Variants in KCTD8 observed in about 807,000 individuals in gnomAD.
KCTD8 encodes the protein potassium channel tetramerization domain containing 8, also known as BTB/POZ domain-containing protein KCTD8.
KCTD8 carries 27 observed loss-of-function variants against 31.5 expected under a neutral mutation model. The observed-to-expected ratio is 0.86, with a 90% CI of 0.63 to 1.18. The LOEUF (loss-of-function observed/expected upper bound fraction) is 1.18. KCTD8 is among the 50% of genes most tolerant of loss of function. The pLI is 0.00. For missense variants in KCTD8, 658 were observed against 647.7 expected, an observed-to-expected ratio of 1.02 and a Z score of -0.17; for synonymous variants, 290 against 280.0, an observed-to-expected ratio of 1.04 and a Z score of -0.36.
At chr4:44,416,271 T>C (rs1412804615) in intron 1 of KCTD8, among the ~76,000 whole-genome samples, 3 of 152,192 alleles carry the variant, frequency 2.0e-5, no homozygotes, top group Non-Finnish European at 4.4e-5. Context: ...TGGAAGTAAA[T>C]AACTTGTTTT....
chr4:44,255,908 T>C (rs908740782), intron 1 of KCTD8, among the ~76,000 whole-genome samples: 1 of 151,980 alleles, frequency 6.6e-6, no homozygotes, highest in Non-Finnish European at 1.5e-5. Context: ...TATTTGACTA[T>C]TGTATTAGTC....
Position 44,448,599 on chromosome 4 carries a change from G to T in KCTD8, c.-76C>A, listed in dbSNP as rs923878225. On this transcript the variant is annotated 5_prime_UTR_variant, in exon 1 of 2. Transcript: ENST00000360029. The surrounding 1 kb of genome is among the most constrained non-coding windows in gnomAD (Gnocchi z 4.1). ...CCCGGAGCCCGCGCCCCAGCCCTCC[G>T]CGTGCTCCTGGCGCTCTGCGCCCTC... The T allele has an allele frequency of 9.6e-6, 13 of 1,347,458 alleles. No homozygotes were observed. The highest frequency in any genetic ancestry group is 1.2e-5 in the Non-Finnish European group (13 of 1,051,228). The allele number at this position is 1,347,458 out of a possible 1,614,324, so 83.5% of individuals were successfully genotyped here.
chr4:44,385,742 G>C (rs1208271226), intron 1 of KCTD8, among the ~76,000 whole-genome samples: 1 of 151,482 alleles, frequency 6.6e-6, no homozygotes, highest in Non-Finnish European at 1.5e-5. Flanking sequence ...TGTATCACAT[G>C]ATAAAATAAA....
At chr4:44,240,513 T>C (rs974774344) in intron 1 of KCTD8, among the ~76,000 whole-genome samples, 1 of 152,158 alleles carries the variant, frequency 6.6e-6, no homozygotes, top group Non-Finnish European at 1.5e-5. Context: ...TGTTTATTTA[T>C]TTATTAGGGA....
At chr4:44,276,930 C>A (rs1349857410) in intron 1 of KCTD8, among the ~76,000 whole-genome samples, 1 of 151,856 alleles carries the variant, frequency 6.6e-6, no homozygotes, top group Non-Finnish European at 1.5e-5. Context: ...CTATGTACAC[C>A]ACTAAGAGAA....
At chr4:44,274,013 G>C (rs1254894404) in intron 1 of KCTD8, among the ~76,000 whole-genome samples, 1 of 151,802 alleles carries the variant, frequency 6.6e-6, no homozygotes, top group East Asian at 1.9e-4. Context: ...AAAAAGTCCT[G>C]TTAAGTTTAC....
At chr4:44,443,799 T>C (rs1721869334) in intron 1 of KCTD8, among the ~76,000 whole-genome samples, 1 of 152,164 alleles carries the variant, frequency 6.6e-6, no homozygotes, top group Non-Finnish European at 1.5e-5. Context: ...TTTTATCTAA[T>C]GATAATCAAC....
intron 1 of KCTD8, among the ~76,000 whole-genome samples, chr4:44,392,016 T>A (rs1720386289): frequency 6.6e-6 from 1 of 151,986 alleles, no homozygotes; most frequent in African/African-American, 2.4e-5. Context: ...AGAAGACTCT[T>A]ACGGAGTCTT....
At chr4:44,209,516 TCACA>T (rs898288876) in intron 1 of KCTD8, among the ~76,000 whole-genome samples, 5 of 149,408 alleles carry the variant, frequency 3.3e-5, no homozygotes, top group Non-Finnish European at 7.5e-5. Context: ...ACACACACTC[TCACA>T]CACACACACA....
At chr4:44,176,169 CTT>C in intron 1 of KCTD8, among the ~76,000 whole-genome samples, 1 of 152,290 alleles carries the variant, frequency 6.6e-6, no homozygotes, top group Non-Finnish European at 1.5e-5. Flanking sequence ...TTACTCAACT[CTT>C]ATTTTATTTT....
chr4:44,292,197 A>C (rs1717300727), intron 1 of KCTD8, among the ~76,000 whole-genome samples: 1 of 152,150 alleles, frequency 6.6e-6, no homozygotes, highest in Admixed American at 6.6e-5. Flanking sequence ...TGCACTATTC[A>C]TAATTGTCAA....
chr4:44,181,518 G>C (rs1713402875), intron 1 of KCTD8, among the ~76,000 whole-genome samples: 1 of 152,214 alleles, frequency 6.6e-6, no homozygotes, highest in Non-Finnish European at 1.5e-5. Flanking sequence ...GAGGCGCCGG[G>C]ATTGCAGACG....
At chr4:44,345,813 C>A (rs988156752) in intron 1 of KCTD8, among the ~76,000 whole-genome samples, 5 of 151,946 alleles carry the variant, frequency 3.3e-5, no homozygotes, top group Admixed American at 2.6e-4. Context: ...TTCAACAAAG[C>A]CTAGAACTGG....
At chr4:44,192,129 G>C (rs980611023) in intron 1 of KCTD8, among the ~76,000 whole-genome samples, 2 of 152,064 alleles carry the variant, frequency 1.3e-5, no homozygotes, top group East Asian at 3.9e-4. Context: ...ATTGGGGGCG[G>C]GTTCCCCCGA....
At chr4:44,400,950 C>A (rs1256702739) in intron 1 of KCTD8, among the ~76,000 whole-genome samples, 1 of 151,524 alleles carries the variant, frequency 6.6e-6, no homozygotes, top group East Asian at 1.9e-4. Flanking sequence ...AATCCCTCTG[C>A]CTCAGCCTTC....
intron 1 of KCTD8, among the ~76,000 whole-genome samples, chr4:44,178,802 A>G (rs137897209): frequency 1.2e-4 from 19 of 152,340 alleles, no homozygotes; most frequent in African/African-American, 4.1e-4. Flanking sequence ...AAAATGCTTA[A>G]TGACAATAGA....
chr4:44,358,564 TGAC>T (rs1247651149), intron 1 of KCTD8, among the ~76,000 whole-genome samples: 5 of 134,798 alleles, frequency 3.7e-5, no homozygotes, highest in Non-Finnish European at 5.0e-5. Flanking sequence ...TGTTGTTTCC[TGAC>T]TTTTTTTTTT....
In KCTD8 at chr4:44,426,935, T is replaced by C. The variant is rs551156831; in HGVS notation, c.961+20628A>G. On this transcript the variant is annotated intron_variant, in intron 1 of 1. Coordinates refer to ENST00000360029, the MANE Select transcript of KCTD8 (RefSeq NM_198353.3). The stretch of plus-strand genomic sequence containing the variant: ...ATTCCAAAATGAGATATTAGCCAAA[T>C]GAAAAACTGTATTAAAATATGATAA... Among the ~76,000 whole-genome samples, 5 of 151,750 alleles carry C rather than the reference T, an allele frequency of 3.3e-5. 1 individual carries two copies. In the South Asian group the frequency reaches 1.0e-3, roughly 31 times the overall value.
chr4:44,245,652 T>A (rs1459882022), intron 1 of KCTD8, among the ~76,000 whole-genome samples: 1 of 151,954 alleles, frequency 6.6e-6, no homozygotes, highest in East Asian at 1.9e-4. Flanking sequence ...GAAAATGAGA[T>A]TAAAAGTGTA....
Sources: allele counts gnomAD v4.1 joint callset (sites outside exome capture counted in the v4.1 genomes callset), GRCh38; gene constraint gnomAD v4.1.1; non-coding constraint Gnocchi (gnomAD v3.1); transcripts MANE v1.5; gene names NCBI Gene and HGNC (gene_info 2026-07-23, HGNC 2026-07-21).